The following USP32 variants were observed in gnomAD, a reference collection of about 807,000 sequenced individuals.
The protein encoded by USP32 is ubiquitin carboxyl-terminal hydrolase 32.
In USP32, 59 loss-of-function variants were observed where a neutral mutation model predicts 204.8. That is an observed-to-expected ratio of 0.29 (90% CI 0.23 to 0.36). USP32 has a LOEUF of 0.36. USP32 is among the 10% of genes least tolerant of loss of function. USP32 has a pLI of 1.00. For missense variants in USP32, 1,160 were observed against 1,946.4 expected (o/e 0.60, Z 7.60); for synonymous variants, 517 against 678.4 (o/e 0.76, Z 3.70).
chr17:60,243,220 A>T (rs531489625), intron 11 of USP32, among the ~76,000 whole-genome samples: 1 of 152,280 alleles, frequency 6.6e-6, no homozygotes, highest in African/African-American at 2.4e-5. Context: ...GTATCCTGTC[A>T]TGTTGCTGAA....
chr17:60,238,201 C>T (rs1038388321), intron 11 of USP32, among the ~76,000 whole-genome samples: 1 of 152,128 alleles, frequency 6.6e-6, no homozygotes, highest in Non-Finnish European at 1.5e-5. Context: ...TCTGGAGAAA[C>T]ATGTATTCAA....
intron 2 of USP32, among the ~76,000 whole-genome samples, chr17:60,341,386 A>C (rs2088654822): frequency 6.6e-6 from 1 of 152,002 alleles, no homozygotes; most frequent in South Asian, 2.1e-4. Flanking sequence ...AAAATCTCTC[A>C]GCATTTGCTT....
intron 1 of USP32, among the ~76,000 whole-genome samples, chr17:60,364,855 T>G (rs2089282312): frequency 6.6e-6 from 1 of 152,222 alleles, no homozygotes; most frequent in South Asian, 2.1e-4. Context: ...AATCCTCTAA[T>G]GAGATTCATC....
chr17:60,409,848 C>CA (rs1435098827), intron 1 of USP32, among the ~76,000 whole-genome samples: 3 of 151,590 alleles, frequency 2.0e-5, no homozygotes, highest in Admixed American at 6.6e-5. Context: ...AAAAAAATCA[C>CA]AAAAAAACCC....
chr17:60,399,415 G>A (rs2089919881), intron 1 of USP32, among the ~76,000 whole-genome samples: 1 of 152,174 alleles, frequency 6.6e-6, no homozygotes, highest in Admixed American at 6.5e-5. Context: ...AACACTTTGG[G>A]AGGCCAAGGC....
chr17:60,407,758 G>A (rs541204497), intron 1 of USP32, among the ~76,000 whole-genome samples: 141 of 147,112 alleles, frequency 9.6e-4, no homozygotes, highest in Middle Eastern at 3.5e-3. Context: ...CTCCAGCCTG[G>A]GCGACAGAGC....
intron 2 of USP32, among the ~76,000 whole-genome samples, chr17:60,333,148 T>A (rs906652111): frequency 6.6e-6 from 1 of 152,150 alleles, no homozygotes; most frequent in Non-Finnish European, 1.5e-5. Flanking sequence ...CCCCGCAAGG[T>A]TGAAAATCTG....
chr17:60,325,619 A>T (rs2088214251), intron 2 of USP32, among the ~76,000 whole-genome samples: 1 of 152,058 alleles, frequency 6.6e-6, no homozygotes, highest in Non-Finnish European at 1.5e-5. Flanking sequence ...AGATAAGTTT[A>T]AAATTATTTT....
At chr17:60,253,760 CTG>C (rs1192349251) in intron 10 of USP32, among the ~76,000 whole-genome samples, 1 of 152,032 alleles carries the variant, frequency 6.6e-6, no homozygotes, top group Non-Finnish European at 1.5e-5. Context: ...GAGCAAGACT[CTG>C]TCTCTAAATA....
At chr17:60,349,491 G>A (rs1047898831) in intron 1 of USP32, among the ~76,000 whole-genome samples, 26 of 145,478 alleles carry the variant, frequency 1.8e-4, no homozygotes, top group African/African-American at 5.8e-4. Context: ...GAGGCAGGAG[G>A]ATTGAGGAGG....
chr17:60,364,778 C>A (rs903945861), intron 1 of USP32, among the ~76,000 whole-genome samples: 12 of 152,214 alleles, frequency 7.9e-5, no homozygotes, highest in Non-Finnish European at 7.3e-5. Flanking sequence ...TAAAGGCCAA[C>A]ATAATTTATC....
At chr17:60,198,117 G>A (rs1249312252) in intron 27 of USP32, 143 bp downstream of exon 27, 1 of 1,111,664 alleles carries the variant, frequency 9.0e-7, no homozygotes, top group Non-Finnish European at 1.3e-6. Context: ...CAAACCAAAT[G>A]GTTGAATTGT....
chr17:60,253,478 T>A (rs1367806931), intron 10 of USP32, among the ~76,000 whole-genome samples: 1 of 151,708 alleles, frequency 6.6e-6, no homozygotes, highest in Admixed American at 6.6e-5. Flanking sequence ...TAAAAATAGT[T>A]GACCAGGCTA....
chr17:60,283,280 A>G (rs756913645), intron 5 of USP32, among the ~76,000 whole-genome samples: 43 of 152,348 alleles, frequency 2.8e-4, no homozygotes, highest in South Asian at 2.1e-4. Context: ...GAGGCAAAGA[A>G]CACACGTGAG....
At chr17:60,252,118 G>A (rs1213318612) in intron 11 of USP32, among the ~76,000 whole-genome samples, 1 of 151,936 alleles carries the variant, frequency 6.6e-6, no homozygotes, top group Non-Finnish European at 1.5e-5. Flanking sequence ...TTGTACTAAA[G>A]AAAACTGGCT....
chr17:60,206,640 T>C (rs1450728197), intron 25 of USP32, among the ~76,000 whole-genome samples: 1 of 151,382 alleles, frequency 6.6e-6, no homozygotes, highest in Non-Finnish European at 1.5e-5. Context: ...AGCATACTAG[T>C]GGCTAAAAGG....
At chr17:60,280,579 A>G (rs953873359) in intron 5 of USP32, among the ~76,000 whole-genome samples, 1 of 152,264 alleles carries the variant, frequency 6.6e-6, no homozygotes, top group Admixed American at 6.5e-5. Flanking sequence ...CTGCATGTTA[A>G]CATGTTATTT....
At chr17:60,316,386 A>G (rs888172112) in intron 2 of USP32, among the ~76,000 whole-genome samples, 6 of 152,050 alleles carry the variant, frequency 3.9e-5, no homozygotes, top group Non-Finnish European at 5.9e-5. Flanking sequence ...AGGTATAGGG[A>G]GTTTTTCTAT....
At chr17:60,390,934 C>T (rs1404750137) in intron 1 of USP32, among the ~76,000 whole-genome samples, 1 of 152,174 alleles carries the variant, frequency 6.6e-6, no homozygotes, top group East Asian at 1.9e-4. Context: ...AAAATTAAGA[C>T]ATTCCGGCCA....
Sources: allele counts gnomAD v4.1 joint callset (sites outside exome capture counted in the v4.1 genomes callset), GRCh38; gene constraint gnomAD v4.1.1; transcripts MANE v1.5; gene names NCBI Gene and HGNC (gene_info 2026-07-23, HGNC 2026-07-21).